Variants in APPL2 observed in about 807,000 individuals in gnomAD.
APPL2 encodes adaptor protein, phosphotyrosine interacting with PH domain and leucine zipper 2, also known as DCC-interacting protein 13-beta.
In APPL2, 84 loss-of-function variants were observed where a neutral mutation model predicts 92.7. The observed-to-expected ratio is 0.91, with a 90% CI of 0.76 to 1.09. The LOEUF (loss-of-function observed/expected upper bound fraction) is 1.09. Ranked by LOEUF, APPL2 falls within the 50% of genes least tolerant of loss-of-function variation. The probability of loss-of-function intolerance (pLI) is 0.00; values close to 1 mark genes in which losing one functional copy is unlikely to be tolerated. For missense variants in APPL2, 736 were observed against 824.5 expected (o/e 0.89, Z 1.31); for synonymous variants, 291 against 291.0 (o/e 1.00, Z 0.00).
At chr12:105,199,572 C>G in intron 9 of APPL2, 41 bp from the exon 10 acceptor site, 1 of 1,588,332 alleles carries the variant, frequency 6.3e-7, no homozygotes, top group Non-Finnish European at 8.6e-7. Context: ...CACTGCTGGC[C>G]AACCCAGCAC....
At chr12:105,196,002 T>G (rs1415426402) in intron 11 of APPL2, among the ~76,000 whole-genome samples, 1 of 145,548 alleles carries the variant, frequency 6.9e-6, no homozygotes, top group Non-Finnish European at 1.5e-5. Context: ...CTGCAGTGAG[T>G]GGTGACTGTG....
intron 10 of APPL2, 119 bp from the exon 11 acceptor site, chr12:105,198,072 C>T (rs902728097): frequency 1.2e-5 from 12 of 1,006,020 alleles, no homozygotes; most frequent in Middle Eastern, 2.8e-4. Flanking sequence ...TTCTTTATAT[C>T]GTTAAAGCAA....
intron 14 of APPL2, among the ~76,000 whole-genome samples, chr12:105,194,045 G>A (rs954674060): frequency 2.0e-5 from 3 of 152,156 alleles, no homozygotes; most frequent in Non-Finnish European, 4.4e-5. Flanking sequence ...GCTCCACACT[G>A]CACAGATTCT....
chr12:105,177,338 A>T (rs996556192), intron 17 of APPL2, 76 bp from the exon 18 acceptor site: 30 of 1,454,454 alleles, frequency 2.1e-5, no homozygotes, highest in Middle Eastern at 1.7e-4. Context: ...GTAGAAGTCC[A>T]GAATAAATAC....
chr12:105,221,776 C>T (rs1890118591), intron 2 of APPL2, among the ~76,000 whole-genome samples: 1 of 152,234 alleles, frequency 6.6e-6, no homozygotes, highest in Non-Finnish European at 1.5e-5. Context: ...ATCTCCCATG[C>T]TCAACAGAAC....
intron 9 of APPL2, 128 bp from the exon 10 acceptor site, chr12:105,199,659 A>C: frequency 1.1e-6 from 1 of 949,316 alleles, no homozygotes; most frequent in Non-Finnish European, 1.6e-6. Context: ...CCAGCCTCCT[A>C]CAGGGCCACA....
chr12:105,197,712 C>G lies in APPL2; in HGVS notation c.1052+53G>C, dbSNP rs532618281. 10 of 1,602,498 alleles carry G rather than the reference C, an allele frequency of 6.2e-6. No homozygotes were observed. In the African/African-American group the frequency reaches 1.2e-4, roughly 19 times the overall value. On this transcript the variant is annotated intron_variant, in intron 11 of 20. Transcript: ENST00000258530. ...GGAATGAACTAGGAGGCCCTTGGAA[C>G]GGGTGGAACCACTATACTCATTCTC... is the stretch of plus-strand genomic sequence containing the variant.
chr12:105,217,206 C>T, intron 3 of APPL2, 66 bp from the exon 4 acceptor site: 2 of 1,081,240 alleles, frequency 1.8e-6, no homozygotes, highest in Admixed American at 2.1e-5. Context: ...CGAAGCATCA[C>T]CTGCAGAACA....
chr12:105,174,880 G>C lies in APPL2; in HGVS notation c.1861-432C>G, dbSNP rs887965505. Among the ~76,000 whole-genome samples the C allele has an allele frequency of 3.3e-4, 46 of 138,454 alleles. 6 individuals are homozygous for C. Among genetic ancestry groups the C allele is most frequent in the African/African-American group, 9.5e-4 (35 of 36,804 alleles). The allele number at this position is 138,454 out of a possible 152,430, so 90.8% of individuals were successfully genotyped here. ...GCTGCTGCTGCTTTTTTTTGGTGGG[G>C]GGGGGGGTGGTGCGGCGGTTGGAGA... On this transcript the variant is annotated intron_variant, in intron 20 of 20. Transcript: ENST00000258530.
Position 105,174,420 on chromosome 12 carries a change from A to T in APPL2, c.1889T>A (p.Leu630Gln). The T allele has an allele frequency of 1.2e-6, 2 of 1,613,540 alleles. No individual in the cohort carries two copies. The highest frequency in any genetic ancestry group is 1.7e-6 in the Non-Finnish European group (2 of 1,179,738). The change falls in exon 21 of 21, where the codon CTG becomes CAG. Residue 630 changes from leucine (L) to glutamine (Q), a missense_variant. Coordinates refer to ENST00000258530, the MANE Select transcript of APPL2 (RefSeq NM_018171.5). ...TCCGTCATTGGTTAGTGGTATGGAC[A>T]GCATTAATTGAGCCAGTGCTTCTGG... ...KDPEALAQLM[L>Q]SIPLTNDGKY...
chr12:105,212,435 C>T (rs1889303586), intron 4 of APPL2, among the ~76,000 whole-genome samples: 1 of 152,232 alleles, frequency 6.6e-6, no homozygotes, highest in Non-Finnish European at 1.5e-5. Flanking sequence ...TATTTATCAT[C>T]ACCACTTTAC....
chr12:105,177,333 A>C, intron 17 of APPL2, 71 bp from the exon 18 acceptor site: 1 of 1,479,806 alleles, frequency 6.8e-7, no homozygotes, highest in Non-Finnish European at 9.4e-7. Flanking sequence ...AGTTTGTAGA[A>C]GTCCAGAATA....
chr12:105,222,011 A>C (rs1890138822), intron 2 of APPL2, among the ~76,000 whole-genome samples: 1 of 152,166 alleles, frequency 6.6e-6, no homozygotes, highest in Admixed American at 6.5e-5. Flanking sequence ...ATCTATACCA[A>C]CTATTTGGCT....
intron 11 of APPL2, among the ~76,000 whole-genome samples, chr12:105,196,058 C>CAAAAA (rs371863529): frequency 1.6e-5 from 2 of 121,632 alleles, no homozygotes; most frequent in African/African-American, 3.1e-5. Context: ...CTATCTCAAA[C>CAAAAA]AAAAAAAAAA....
chr12:105,194,562 G>T (rs529986119), intron 14 of APPL2, among the ~76,000 whole-genome samples: 1 of 151,972 alleles, frequency 6.6e-6, no homozygotes, highest in South Asian at 2.1e-4. Flanking sequence ...GTGGTGGTGG[G>T]CGCCTGTAAT....
chr12:105,181,092 G>T, intron 17 of APPL2, among the ~76,000 whole-genome samples: 1 of 152,158 alleles, frequency 6.6e-6, no homozygotes, highest in South Asian at 2.1e-4. Context: ...GATACTGGCT[G>T]TGAGTTTGTC....
chr12:105,188,133 C>G, intron 17 of APPL2, 140 bp downstream of exon 17: 1 of 917,080 alleles, frequency 1.1e-6, no homozygotes, highest in Non-Finnish European at 1.6e-6. Context: ...TCTAGGCTAT[C>G]TATCTTATGT....
chr12:105,228,629 C>A (rs1447048542), intron 2 of APPL2, among the ~76,000 whole-genome samples: 3 of 151,722 alleles, frequency 2.0e-5, no homozygotes, highest in Non-Finnish European at 4.4e-5. Context: ...TCAGCAATTT[C>A]TTTTGCATGC....
At chr12:105,220,272 A>G (rs1009199610) in intron 2 of APPL2, among the ~76,000 whole-genome samples, 5 of 152,202 alleles carry the variant, frequency 3.3e-5, no homozygotes, top group Non-Finnish European at 7.3e-5. Flanking sequence ...CAGAGAGTAA[A>G]TATTTTAGGC....
Sources: gnomAD v4.1 joint callset for allele counts (sites outside exome capture counted in the v4.1 genomes callset) on GRCh38, gnomAD v4.1.1 for gene constraint, MANE v1.5 for transcripts, NCBI Gene and HGNC (gene_info 2026-07-23, HGNC 2026-07-21) for gene names.